Variants in COL6A3 observed in about 807,000 individuals in gnomAD.
COL6A3 encodes collagen alpha-3(VI) chain.
A neutral mutation model predicts 274.1 loss-of-function variants in COL6A3; 137 were observed. The ratio of observed to expected loss-of-function variants is 0.50; its 90% CI spans 0.44 to 0.58. COL6A3 has a LOEUF of 0.58. COL6A3 is among the 20% of genes least tolerant of loss of function. The pLI is 0.00. For missense variants in COL6A3, 3,950 were observed against 4,124.9 expected (o/e 0.96, Z 1.16); for synonymous variants, 1,650 against 1,650.6 (o/e 1.00, Z 0.01).
chr2:237,411,782 C>T (rs1407306690), intron 1 of COL6A3, among the ~76,000 whole-genome samples: 1 of 152,208 alleles, frequency 6.6e-6, no homozygotes, highest in Non-Finnish European at 1.5e-5. Context: ...AAATATCATT[C>T]AGACCCCAGG....
chr2:237,353,162 C>T (rs917436639), intron 25 of COL6A3, among the ~76,000 whole-genome samples, 179 bp downstream of exon 25: 4 of 152,094 alleles, frequency 2.6e-5, no homozygotes, highest in Admixed American at 6.5e-5. Context: ...AGGTCTCCTT[C>T]GAGACTGTGT....
intron 3 of COL6A3, among the ~76,000 whole-genome samples, chr2:237,391,213 A>T (rs2078277717): frequency 6.6e-6 from 1 of 152,222 alleles, no homozygotes; most frequent in South Asian, 2.1e-4. Flanking sequence ...TACTAGGAGG[A>T]ACTGCAGAGT....
intron 2 of COL6A3, among the ~76,000 whole-genome samples, chr2:237,395,483 T>C (rs975907753): frequency 1.3e-5 from 2 of 152,194 alleles, no homozygotes; most frequent in African/African-American, 4.8e-5. Flanking sequence ...AACAATTTCC[T>C]GGGCTGTCTT....
rs1333915459 is a variant in COL6A3 at position 237,361,465 on chromosome 2, C to T, written c.6156+274G>A. ...TGTCAGGGACGCCAGCTGCCTTTAACATTATTTTATGAAATGAAGGACCAA... is the reference window on the plus strand; with the variant it reads ...TGTCAGGGACGCCAGCTGCCTTTAATATTATTTTATGAAATGAAGGACCAA... On this transcript the variant is annotated intron_variant, in intron 15 of 43. Coordinates refer to ENST00000295550, the MANE Select transcript of COL6A3 (RefSeq NM_004369.4). This position sits in a 1 kb window ranked among gnomAD's most constrained non-coding sequence, Gnocchi z 5.1. Among the ~76,000 whole-genome samples the T allele has an allele frequency of 6.6e-6, 1 of 152,210 alleles. No homozygotes were observed. Among genetic ancestry groups the T allele is most frequent in the Non-Finnish European group, 1.5e-5 (1 of 68,040 alleles).
chr2:237,397,550 G>T (rs1426368922), intron 1 of COL6A3, among the ~76,000 whole-genome samples: 1 of 152,082 alleles, frequency 6.6e-6, no homozygotes, highest in Non-Finnish European at 1.5e-5. Context: ...TAAAGAATAG[G>T]TAAGTGAGAA....
chr2:237,360,024 T>A, intron 17 of COL6A3, 64 bp downstream of exon 17: 1 of 1,539,250 alleles, frequency 6.5e-7, no homozygotes. Flanking sequence ...CCTGGCAGCA[T>A]CTGGAGAAAC....
Position 237,361,187 on chromosome 2 carries a change from A to C in COL6A3, c.6157-13T>G. 4 of 1,613,224 alleles carry C rather than the reference A, an allele frequency of 2.5e-6. No homozygotes were observed. Among genetic ancestry groups the C allele is most frequent in the Non-Finnish European group, 3.4e-6 (4 of 1,179,180 alleles). On this transcript the variant is annotated splice_polypyrimidine_tract_variant and intron_variant, in intron 15 of 43. Transcript: ENST00000295550. The surrounding 1 kb of genome is among the most constrained non-coding windows in gnomAD (Gnocchi z 5.1). ...CTCCAGGAATACCCTGAAACAAAGT[A>C]ATCGGGTCCTCTGTTTAATCCCGTG...
At chr2:237,405,631 T>G (rs1301278946) in intron 1 of COL6A3, among the ~76,000 whole-genome samples, 1 of 152,012 alleles carries the variant, frequency 6.6e-6, no homozygotes, top group Non-Finnish European at 1.5e-5. Context: ...AGCTGAGAAA[T>G]TGAAACCCCA....
intron 1 of COL6A3, among the ~76,000 whole-genome samples, chr2:237,405,178 CT>C (rs1267830132): frequency 6.6e-6 from 1 of 152,142 alleles, no homozygotes; most frequent in African/African-American, 2.4e-5. Flanking sequence ...TATGGTTTGA[CT>C]GAGCTGAATT....
chr2:237,411,700 C>A (rs2078860867), intron 1 of COL6A3, among the ~76,000 whole-genome samples: 1 of 152,188 alleles, frequency 6.6e-6, no homozygotes, highest in Non-Finnish European at 1.5e-5. Context: ...TTGCTGAGTC[C>A]TGAATGCTTT....
rs1294339337 is a variant in COL6A3 at position 237,398,235 on chromosome 2, G to A, written c.-30-1388C>T. ...GAATGAGCCTGGGGTGATTTAATTAGTAAGACTGTGAAGCCAGACCTGGAG... is the reference window on the plus strand; with the variant it reads ...GAATGAGCCTGGGGTGATTTAATTAATAAGACTGTGAAGCCAGACCTGGAG... On this transcript the variant is annotated intron_variant, in intron 1 of 43. Transcript: ENST00000295550. Among the ~76,000 whole-genome samples, 3 of 152,218 alleles carry A rather than the reference G, an allele frequency of 2.0e-5. No homozygotes were observed. The East Asian group carries it at 5.8e-4, about 29-fold the overall frequency.
Position 237,357,223 on chromosome 2 carries a change from C to A in COL6A3, c.6591+115G>T, listed in dbSNP as rs1255170204. 8.7e-5 allele frequency: 78 copies of A among 900,960 alleles called. No individual in the cohort carries two copies. The East Asian group carries it at 1.9e-3, about 22-fold the overall frequency. 55.8% of individuals were successfully genotyped at this position (900,960 alleles called of 1,614,324 possible). A position where few individuals can be genotyped will look rare whatever the true frequency, so the allele number is the denominator to read the frequency against. On this transcript the variant is annotated intron_variant, in intron 23 of 43. Coordinates refer to ENST00000295550, the MANE Select transcript of COL6A3 (RefSeq NM_004369.4). The stretch of plus-strand genomic sequence containing the variant: ...TGGAGTAACAACCGTTTCAGAAATC[C>A]TTTTACATTCACTCACTGCAGAGCT...
rs2106360836 is a variant in COL6A3, at chr2:237,374,486, G to T, written c.3605C>A (p.Ser1202Tyr). 1 of 1,614,156 alleles carries T rather than the reference G, an allele frequency of 6.2e-7. No individual in the cohort carries two copies. Among genetic ancestry groups the T allele is most frequent in the Non-Finnish European group, 8.5e-7 (1 of 1,180,044 alleles). Residue 1202 changes from serine to tyrosine, a missense_variant, in exon 8 of 44, where the codon TCT becomes TAT. Physicochemically the swap from Ser to Tyr is moderately radical, Grantham distance 144. Coordinates refer to ENST00000295550, the MANE Select transcript of COL6A3 (RefSeq NM_004369.4). This position sits in a 1 kb window ranked among gnomAD's most constrained non-coding sequence, Gnocchi z 4.8. ...GCGGGTGAGCTGGGTCACCCTCTCA[G>T]AGATGACCTGTTGGACGGTCCCCAG... Reference protein sequence around the residue: ...RQLGTVQQVISERVTQLTREE... With the variant: ...RQLGTVQQVIYERVTQLTREE...
At position 237,380,979 on chromosome 2, in the gene COL6A3, G is replaced by T. The variant is rs368242683; in HGVS notation, c.1833C>A (p.Ala611=). Residue 611 remains alanine (A), a synonymous_variant, in exon 5 of 44, where the codon GCC becomes GCA. Coordinates refer to ENST00000295550, the MANE Select transcript of COL6A3 (RefSeq NM_004369.4). ...LVFIPAEFRA[A]PLQGMLPGLL... is the part of the protein sequence containing the mutation. The stretch of plus-strand genomic sequence containing the variant: ...AGCCAGGCAGCATGCCTTGCAATGG[G>T]GCGGCTCGGAACTCAGCTGGGATGA... The T allele has an allele frequency of 6.2e-6, 10 of 1,614,198 alleles. No homozygotes were observed. The highest frequency in any genetic ancestry group is 8.5e-6 in the Non-Finnish European group (10 of 1,180,036).
intron 42 of COL6A3, chr2:237,329,239 G>C (rs1367510413): frequency 6.6e-6 from 1 of 152,150 alleles, no homozygotes; most frequent in Non-Finnish European, 1.5e-5. Context: ...ATTTTTAGTA[G>C]AGACAGGGTT....
intron 4 of COL6A3, among the ~76,000 whole-genome samples, chr2:237,384,920 C>A (rs575293686): frequency 6.6e-5 from 10 of 152,262 alleles, no homozygotes; most frequent in African/African-American, 2.4e-4. Context: ...CCAGTGTGCT[C>A]CAGCTACACT....
In COL6A3 at chr2:237,401,100, C is replaced by T. The variant is rs955926741; in HGVS notation, c.-30-4253G>A. 1.9e-4 allele frequency among the ~76,000 whole-genome samples: 29 copies of T among 152,108 alleles called. 1 individual carries two copies. Among genetic ancestry groups the T allele is most frequent in the African/African-American group, 7.0e-4 (29 of 41,402 alleles). ...TGAACCAATGGAACAGAATAGAGAG[C>T]CCAGAAATAAAACCTCATGTATATG... is the stretch of plus-strand genomic sequence containing the variant. On this transcript the variant is annotated intron_variant, in intron 1 of 43. Transcript: ENST00000295550.
intron 22 of COL6A3, 49 bp from the exon 23 acceptor site, chr2:237,357,440 T>C (rs1291222204): frequency 1.3e-6 from 2 of 1,510,946 alleles, no homozygotes; most frequent in Admixed American, 1.7e-5. Context: ...GAGAAGAATG[T>C]CTAGCTCTGA....
rs1213239029 is a variant in COL6A3 at position 237,364,897 on chromosome 2, ATG to A, written c.5839-471_5839-470del. Among the ~76,000 whole-genome samples, 1 of 149,272 alleles carries A rather than the reference ATG, an allele frequency of 6.7e-6. No homozygotes were observed. The highest frequency in any genetic ancestry group is 1.5e-5 in the Non-Finnish European group (1 of 67,320). Reference sequence around the variant, plus strand: ...CATGTGTATGGGTGCATGTGCGTGCATGTGTGTGGGTGCATGTCTGTGGGTGT... The same window carrying A: ...CATGTGTATGGGTGCATGTGCGTGCATGTGTGGGTGCATGTCTGTGGGTGT... On this transcript the variant is annotated intron_variant, in intron 12 of 43. Coordinates refer to ENST00000295550, the MANE Select transcript of COL6A3 (RefSeq NM_004369.4). The surrounding 1 kb of genome is among the most constrained non-coding windows in gnomAD (Gnocchi z 4.6).
Sources: allele counts gnomAD v4.1 joint callset (sites outside exome capture counted in the v4.1 genomes callset), GRCh38; gene constraint gnomAD v4.1.1; non-coding constraint Gnocchi (gnomAD v3.1); transcripts MANE v1.5; gene names NCBI Gene and HGNC (gene_info 2026-07-23, HGNC 2026-07-21).